Variants in SLC4A10 observed in about 807,000 individuals in gnomAD.
The protein encoded by SLC4A10 is sodium-driven chloride bicarbonate exchanger.
SLC4A10 carries 42 observed loss-of-function variants against 137.7 expected under a neutral mutation model. The observed-to-expected ratio is 0.30, with a 90% CI of 0.24 to 0.39. The LOEUF (loss-of-function observed/expected upper bound fraction) is 0.39. Among genes scored for constraint, SLC4A10 ranks in the 10% least tolerant of loss-of-function variants. The probability of loss-of-function intolerance (pLI) is 1.00; values close to 1 mark genes in which losing one functional copy is unlikely to be tolerated. For synonymous variants in SLC4A10, 474 were observed against 464.1 expected (o/e 1.02, Z -0.27); for missense variants, 925 against 1,355.0 (o/e 0.68, Z 4.98).
chr2:161,826,211 T>C (rs1266135275), intron 3 of SLC4A10, among the ~76,000 whole-genome samples: 4 of 152,188 alleles, frequency 2.6e-5, no homozygotes, highest in African/African-American at 9.7e-5. Flanking sequence ...GGAACAGAAC[T>C]ACCAAACTTG....
chr2:161,928,245 C>T (rs1689581572), intron 15 of SLC4A10, among the ~76,000 whole-genome samples: 2 of 149,894 alleles, frequency 1.3e-5, no homozygotes, highest in South Asian at 4.3e-4. Context: ...AATTGGAAAT[C>T]ATCATTCTCA....
chr2:161,981,744 C>T (rs957093315), intron 26 of SLC4A10, among the ~76,000 whole-genome samples: 1 of 152,190 alleles, frequency 6.6e-6, no homozygotes, highest in African/African-American at 2.4e-5. Flanking sequence ...ACACTGTCAT[C>T]TTTTCTCATG....
chr2:161,879,647 T>A (rs563413045), intron 9 of SLC4A10, among the ~76,000 whole-genome samples: 34 of 151,404 alleles, frequency 2.2e-4, no homozygotes, highest in Non-Finnish European at 4.0e-4. Context: ...AAAGAAAGGA[T>A]CCTGTGCATG....
chr2:161,841,459 T>C lies in SLC4A10; in HGVS notation c.416+1532T>C, dbSNP rs575446483. 2.0e-5 allele frequency among the ~76,000 whole-genome samples: 3 copies of C among 152,332 alleles called. No individual in the cohort carries two copies. In the East Asian group the frequency reaches 5.8e-4, roughly 29 times the overall value. On this transcript the variant is annotated intron_variant, in intron 4 of 26. Coordinates refer to ENST00000446997, the MANE Select transcript of SLC4A10 (RefSeq NM_001178015.2). Reference sequence around the variant, plus strand: ...TATTAGAAAGACTTTATCTTAAGCATATTTATTAGTGGTCCTCAGATTGCA... The same window carrying C: ...TATTAGAAAGACTTTATCTTAAGCACATTTATTAGTGGTCCTCAGATTGCA...
chr2:161,931,764 A>C (rs929076198), intron 15 of SLC4A10, among the ~76,000 whole-genome samples: 1 of 152,170 alleles, frequency 6.6e-6, no homozygotes, highest in Non-Finnish European at 1.5e-5. Context: ...GATTTTGCTA[A>C]AATATAAAAA....
chr2:161,979,972 A>G (rs1215708141), intron 26 of SLC4A10, among the ~76,000 whole-genome samples: 1 of 152,222 alleles, frequency 6.6e-6, no homozygotes, highest in Non-Finnish European at 1.5e-5. Flanking sequence ...CTAAGAACTA[A>G]CGGCAAATTC....
At position 161,818,087 on chromosome 2, in the gene SLC4A10, T is replaced by C. The variant is rs533542531; in HGVS notation, c.277+13492T>C. 1.6e-3 allele frequency among the ~76,000 whole-genome samples: 245 copies of C among 152,250 alleles called. 9 individuals are homozygous for C. In the South Asian group the frequency reaches 0.046, roughly 29 times the overall value. Reference sequence around the variant, plus strand: ...ACCTTGGGCAATATGGCCATTTTCATGATATTGATTCTTCCTACCCATGAG... The same window carrying C: ...ACCTTGGGCAATATGGCCATTTTCACGATATTGATTCTTCCTACCCATGAG... On this transcript the variant is annotated intron_variant, in intron 3 of 26. Transcript: ENST00000446997.
rs2058830950 is a variant in SLC4A10, at chr2:161,836,602, AAGG to A, written c.278-3185_278-3183del. On this transcript the variant is annotated intron_variant, in intron 3 of 26. Coordinates refer to ENST00000446997, the MANE Select transcript of SLC4A10 (RefSeq NM_001178015.2). The stretch of plus-strand genomic sequence containing the variant: ...AAAGAAAGAAAGAAAGAAAGAAAGG[AAGG>A]AAGGAAAGAAATGAAAGAAAAGAAA... Among the ~76,000 whole-genome samples the A allele has an allele frequency of 1.1e-4, 4 of 35,670 alleles. 1 individual carries two copies. Among genetic ancestry groups the A allele is most frequent in the Non-Finnish European group, 2.7e-4 (4 of 14,618 alleles). 23.4% of individuals were successfully genotyped at this position (35,670 alleles called of 152,430 possible). A position where few individuals can be genotyped will look rare whatever the true frequency, so the allele number is the denominator to read the frequency against.
intron 24 of SLC4A10, 72 bp downstream of exon 24, chr2:161,974,388 A>G: frequency 8.0e-7 from 1 of 1,245,260 alleles, no homozygotes; most frequent in Non-Finnish European, 1.1e-6. Context: ...AGAATTTCAT[A>G]CTGTGTAGAT....
chr2:161,659,088 A>G (rs2037951915), intron 1 of SLC4A10, among the ~76,000 whole-genome samples: 1 of 152,182 alleles, frequency 6.6e-6, no homozygotes, highest in Non-Finnish European at 1.5e-5. Flanking sequence ...ATTATATAAA[A>G]AAGGTACCTT....
intron 11 of SLC4A10, among the ~76,000 whole-genome samples, chr2:161,897,002 G>T (rs2063574578): frequency 6.6e-6 from 1 of 152,010 alleles, no homozygotes; most frequent in Admixed American, 6.6e-5. Flanking sequence ...AAAATTCAAA[G>T]ACATGACTTA....
At chr2:161,674,253 T>C (rs946850810) in intron 1 of SLC4A10, among the ~76,000 whole-genome samples, 2 of 152,144 alleles carry the variant, frequency 1.3e-5, no homozygotes, top group Admixed American at 1.3e-4. Context: ...TATCTTAATC[T>C]CTCTGAACTA....
intron 4 of SLC4A10, 73 bp from the exon 5 acceptor site, chr2:161,854,897 T>A (rs565906765): frequency 7.2e-7 from 1 of 1,386,588 alleles, no homozygotes; most frequent in East Asian, 2.6e-5. Flanking sequence ...TATTTCAACC[T>A]TTTATTTTTG....
At chr2:161,678,049 A>G (rs908913533) in intron 1 of SLC4A10, among the ~76,000 whole-genome samples, 1 of 151,704 alleles carries the variant, frequency 6.6e-6, no homozygotes, top group South Asian at 2.1e-4. Flanking sequence ...CACCCACCTC[A>G]TTTTCTTGCT....
intron 2 of SLC4A10, among the ~76,000 whole-genome samples, chr2:161,778,711 T>C (rs1574923159): frequency 6.6e-6 from 1 of 151,922 alleles, no homozygotes; most frequent in East Asian, 1.9e-4. Flanking sequence ...AGTATAACTT[T>C]AATGAAAAAG....
At position 161,797,139 on chromosome 2, in the gene SLC4A10, A is replaced by G. The variant is rs377379174; in HGVS notation, c.131-7310A>G. Among the ~76,000 whole-genome samples the G allele has an allele frequency of 9.2e-5, 14 of 152,290 alleles. 1 individual carries two copies. In the East Asian group the frequency reaches 1.5e-3, roughly 17 times the overall value. ...TTTAAAATAAATGTTTTAAAATAAT[A>G]GTGAAATTGCAAGCTTTGCTGATTA... is the stretch of plus-strand genomic sequence containing the variant. On this transcript the variant is annotated intron_variant, in intron 2 of 26. Coordinates refer to ENST00000446997, the MANE Select transcript of SLC4A10 (RefSeq NM_001178015.2).
At chr2:161,929,197 C>T (rs1689853446) in intron 15 of SLC4A10, among the ~76,000 whole-genome samples, 1 of 152,074 alleles carries the variant, frequency 6.6e-6, no homozygotes, top group African/African-American at 2.4e-5. Context: ...TACTAATTTA[C>T]TTCAACGAGA....
chr2:161,734,365 T>C (rs991254116), intron 1 of SLC4A10, among the ~76,000 whole-genome samples: 1 of 152,202 alleles, frequency 6.6e-6, no homozygotes, highest in Admixed American at 6.5e-5. Flanking sequence ...TCTCATGAGA[T>C]CTGATGGTTT....
chr2:161,701,757 C>A (rs1422460665), intron 1 of SLC4A10, among the ~76,000 whole-genome samples: 1 of 151,824 alleles, frequency 6.6e-6, no homozygotes, highest in African/African-American at 2.4e-5. Context: ...TTCTCATAAC[C>A]ACCATTCTAC....
Sources: allele counts gnomAD v4.1 joint callset (sites outside exome capture counted in the v4.1 genomes callset), GRCh38; gene constraint gnomAD v4.1.1; transcripts MANE v1.5; gene names NCBI Gene and HGNC (gene_info 2026-07-23, HGNC 2026-07-21).